CCDC3: variants seen among roughly 807,000 people sequenced by gnomAD.
CCDC3 encodes the protein coiled-coil domain containing 3.
A neutral mutation model predicts 21.4 loss-of-function variants in CCDC3; 24 were observed. That is an observed-to-expected ratio of 1.12 (90% CI 0.81 to 1.58). The LOEUF (loss-of-function observed/expected upper bound fraction) is 1.58. CCDC3 is among the 40% of genes most tolerant of loss of function. The pLI, the probability that CCDC3 is intolerant of heterozygous loss-of-function variation, is 0.00. For missense variants in CCDC3, 425 were observed against 360.9 expected, an observed-to-expected ratio of 1.18 and a Z score of -1.44; for synonymous variants, 186 against 166.0, an observed-to-expected ratio of 1.12 and a Z score of -0.93.
chr10:12,942,082 T>C (rs951103083), intron 2 of CCDC3, among the ~76,000 whole-genome samples: 2 of 152,202 alleles, frequency 1.3e-5, no homozygotes, highest in African/African-American at 4.8e-5. Flanking sequence ...GAGATGTCCA[T>C]TTTCTCTCTT....
At chr10:13,073,927 GC>G (rs1453167686) in exon 4 of CCDC3, 1 of 151,872 alleles carries the variant, frequency 6.6e-6, no homozygotes, top group Non-Finnish European at 1.5e-5. Context: ...AGTACCTAAA[GC>G]TTTGATGTCA....
At chr10:12,976,597 A>G (rs975859487) in intron 2 of CCDC3, among the ~76,000 whole-genome samples, 1 of 152,214 alleles carries the variant, frequency 6.6e-6, no homozygotes, top group Admixed American at 6.5e-5. Context: ...ACTTTCACAC[A>G]CGGTATCGTT....
chr10:13,057,419 C>G (rs542205062), intron 4 of CCDC3, among the ~76,000 whole-genome samples: 1 of 152,126 alleles, frequency 6.6e-6, no homozygotes, highest in East Asian at 1.9e-4. Context: ...AGTGAAGCCA[C>G]ATAAACACAT....
At chr10:13,022,773 T>C (rs1450204314) in intron 5 of CCDC3, among the ~76,000 whole-genome samples, 3 of 152,212 alleles carry the variant, frequency 2.0e-5, no homozygotes, top group Admixed American at 6.5e-5. Flanking sequence ...TATCTATGTA[T>C]CTCACCAATA....
intron 4 of CCDC3, among the ~76,000 whole-genome samples, chr10:13,061,542 T>C (rs1056769884): frequency 1.3e-5 from 2 of 152,180 alleles, no homozygotes; most frequent in Non-Finnish European, 2.9e-5. Context: ...GCTGAGAACA[T>C]ATGCCCAGGA....
intron 3 of CCDC3, among the ~76,000 whole-genome samples, chr10:13,095,157 G>A (rs1832615661): frequency 6.6e-6 from 1 of 152,018 alleles, no homozygotes; most frequent in Non-Finnish European, 1.5e-5. Flanking sequence ...TCTTTGGAGT[G>A]TACACCTAGA....
intron 2 of CCDC3, among the ~76,000 whole-genome samples, chr10:12,979,820 A>T (rs1008667179): frequency 3.3e-5 from 5 of 152,082 alleles, no homozygotes; most frequent in Admixed American, 2.6e-4. Flanking sequence ...ATATGGGTTG[A>T]TTTGTTCACT....
intron 2 of CCDC3, among the ~76,000 whole-genome samples, chr10:12,922,988 A>G (rs1423177410): frequency 5.3e-5 from 8 of 152,184 alleles, no homozygotes; most frequent in African/African-American, 1.9e-4. Context: ...TCCCTTTGTG[A>G]GTGAGATAAG....
intron 2 of CCDC3, among the ~76,000 whole-genome samples, chr10:12,990,306 A>C (rs1453950804): frequency 2.0e-5 from 3 of 152,148 alleles, no homozygotes; most frequent in Admixed American, 2.0e-4. Context: ...AGCAGTAAAA[A>C]TTATTAAATC....
intron 2 of CCDC3, among the ~76,000 whole-genome samples, chr10:12,933,759 T>C (rs1463262632): frequency 6.6e-6 from 1 of 152,062 alleles, no homozygotes; most frequent in Non-Finnish European, 1.5e-5. Context: ...TGCCCGGCCA[T>C]AATATTCTTT....
intron 4 of CCDC3, among the ~76,000 whole-genome samples, chr10:13,068,782 C>T (rs774927862): frequency 1.3e-5 from 2 of 152,130 alleles, no homozygotes; most frequent in Non-Finnish European, 2.9e-5. Flanking sequence ...ACCATTATAA[C>T]ATGTAACTGA....
At chr10:12,944,567 C>A (rs1420784166) in intron 2 of CCDC3, among the ~76,000 whole-genome samples, 1 of 151,890 alleles carries the variant, frequency 6.6e-6, no homozygotes, top group African/African-American at 2.4e-5. Context: ...ATAAACCAAG[C>A]TGTAAACCAC....
chr10:12,942,740 G>A (rs139996765), intron 2 of CCDC3, among the ~76,000 whole-genome samples: 6 of 152,280 alleles, frequency 3.9e-5, no homozygotes, highest in Admixed American at 1.3e-4. Flanking sequence ...ATCAGACACT[G>A]CCTCCTCAAG....
At chr10:12,956,271 T>G (rs1398604618) in intron 2 of CCDC3, among the ~76,000 whole-genome samples, 1 of 152,244 alleles carries the variant, frequency 6.6e-6, no homozygotes, top group Non-Finnish European at 1.5e-5. Context: ...CAAAGTAGGC[T>G]GGACTGTCCC....
intron 2 of CCDC3, among the ~76,000 whole-genome samples, chr10:12,977,459 C>T (rs960026845): frequency 2.6e-5 from 4 of 152,108 alleles, no homozygotes; most frequent in Non-Finnish European, 4.4e-5. Flanking sequence ...AACAAACCCC[C>T]GACCCCATAA....
intron 5 of CCDC3, among the ~76,000 whole-genome samples, chr10:13,027,784 G>A (rs1465919000): frequency 1.3e-5 from 2 of 150,824 alleles, no homozygotes; most frequent in African/African-American, 4.9e-5. Context: ...TAATCAATAC[G>A]ACCTTACAAG....
At chr10:13,010,170 C>G (rs1269336958) in intron 5 of CCDC3, among the ~76,000 whole-genome samples, 4 of 152,086 alleles carry the variant, frequency 2.6e-5, no homozygotes, top group African/African-American at 9.7e-5. Context: ...ATCGCTTGAA[C>G]CTGGGAGGTA....
intron 2 of CCDC3, among the ~76,000 whole-genome samples, chr10:12,981,842 C>T (rs1030712811): frequency 1.3e-5 from 2 of 151,728 alleles, no homozygotes; most frequent in Non-Finnish European, 2.9e-5. Flanking sequence ...GAGAAGTGAG[C>T]GGCTGGGCAC....
intron 4 of CCDC3, chr10:13,058,629 G>T: frequency 1.7e-6 from 1 of 591,156 alleles, no homozygotes; most frequent in Non-Finnish European, 3.0e-6. Context: ...ACGTCACTTG[G>T]TATCTCTTCA....
Sources: gnomAD v4.1 joint callset for allele counts (sites outside exome capture counted in the v4.1 genomes callset) on GRCh38, gnomAD v4.1.1 for gene constraint, MANE v1.5 for transcripts, NCBI Gene and HGNC (gene_info 2026-07-23, HGNC 2026-07-21) for gene names.